TXNDC16: variants seen among roughly 807,000 people sequenced by gnomAD.
TXNDC16 encodes the protein thioredoxin domain-containing protein 16.
TXNDC16 carries 74 observed loss-of-function variants against 85.6 expected under a neutral mutation model. That is an observed-to-expected ratio of 0.86 (90% confidence interval 0.72 to 1.05). TXNDC16 has a LOEUF of 1.05. TXNDC16 is among the 50% of genes least tolerant of loss of function. TXNDC16 has a pLI of 0.00. For missense variants in TXNDC16, 959 were observed against 947.0 expected (o/e 1.01, Z -0.17); for synonymous variants, 335 against 326.5 (o/e 1.03, Z -0.28).
chr14:52,546,963 T>TA (rs1404332820), intron 1 of TXNDC16, among the ~76,000 whole-genome samples: 3 of 152,242 alleles, frequency 2.0e-5, no homozygotes, highest in African/African-American at 7.2e-5. Flanking sequence ...GATTAACTTA[T>TA]AATGAATGTG....
chr14:52,524,731 G>C (rs1356404229), intron 6 of TXNDC16, among the ~76,000 whole-genome samples: 1 of 152,074 alleles, frequency 6.6e-6, no homozygotes, highest in African/African-American at 2.4e-5. Flanking sequence ...CTGGCCTCAA[G>C]TGATCCTCTT....
Position 52,498,388 on chromosome 14 carries a change from G to T in TXNDC16, c.757-7383C>A, listed in dbSNP as rs946483225. On this transcript the variant is annotated intron_variant, in intron 9 of 20. Transcript: ENST00000281741. ...GTTCACAGGTAATAGGATCTTATATGTGCAAAACCCTAAAGATCACACACA... is the reference window on the plus strand; with the variant it reads ...GTTCACAGGTAATAGGATCTTATATTTGCAAAACCCTAAAGATCACACACA... 2.0e-5 allele frequency among the ~76,000 whole-genome samples: 3 copies of T among 148,480 alleles called. No homozygotes were observed. In the Admixed American group the frequency reaches 2.0e-4, roughly 10 times the overall value.
chr14:52,525,249 A>T (rs2037300302), intron 6 of TXNDC16, among the ~76,000 whole-genome samples: 7 of 152,106 alleles, frequency 4.6e-5, no homozygotes, highest in Admixed American at 3.9e-4. Flanking sequence ...TATATATATA[A>T]AATAAATAAC....
In TXNDC16 at chr14:52,536,807, A is replaced by C. The variant is rs2037712242; in HGVS notation, c.318-14T>G. 2 of 1,586,928 alleles carry C rather than the reference A, an allele frequency of 1.3e-6. No homozygotes were observed. The highest frequency in any genetic ancestry group is 2.3e-5 in the East Asian group (1 of 43,390). ...AATATGTTGCCCCTATAAAAAGTTT[A>C]AAAACATATTAATATTGAAAAATAC... On this transcript the variant is annotated splice_polypyrimidine_tract_variant and intron_variant, in intron 5 of 20. Coordinates refer to ENST00000281741, the MANE Select transcript of TXNDC16 (RefSeq NM_020784.3).
intron 11 of TXNDC16, among the ~76,000 whole-genome samples, chr14:52,489,060 G>A (rs565846992): frequency 9.4e-4 from 143 of 152,232 alleles, no homozygotes; most frequent in African/African-American, 2.9e-3. Context: ...ACTGAAGTCT[G>A]TAAAGCATTT....
rs371896649 is a variant in TXNDC16 at position 52,440,834 on chromosome 14, A to C, written c.1843-110T>G. On this transcript the variant is annotated intron_variant, in intron 18 of 20. Coordinates refer to ENST00000281741, the MANE Select transcript of TXNDC16 (RefSeq NM_020784.3). Reference sequence around the variant, plus strand: ...AATTTTAGTTTGTAAAATGTAATTCAAACACATTTTCACTTAAGTAGAGAT... The same window carrying C: ...AATTTTAGTTTGTAAAATGTAATTCCAACACATTTTCACTTAAGTAGAGAT... 42 of 1,017,660 alleles carry C rather than the reference A, an allele frequency of 4.1e-5. No individual in the cohort carries two copies. The African/African-American group carries it at 5.2e-4, about 13-fold the overall frequency. The allele number at this position is 1,017,660 out of a possible 1,614,324, so 63.0% of individuals were successfully genotyped here. A position where few individuals can be genotyped will look rare whatever the true frequency, so the allele number is the denominator to read the frequency against.
chr14:52,482,815 TACTC>T lies in TXNDC16; in HGVS notation c.1252+3_1252+6del. 4 of 1,590,910 alleles carry T rather than the reference TACTC, an allele frequency of 2.5e-6. No homozygotes were observed. Among genetic ancestry groups the T allele is most frequent in the Non-Finnish European group, 1.7e-6 (2 of 1,173,542 alleles). On this transcript the variant is annotated splice_donor_5th_base_variant and intron_variant, in intron 13 of 20. Coordinates refer to ENST00000281741, the MANE Select transcript of TXNDC16 (RefSeq NM_020784.3). ...TATGTAACAGTCCTCTAAAGGCTCA[TACTC>T]ACAACCAGCATAGAAGAGTACTATG...
chr14:52,535,725 A>G (rs2037684757), intron 6 of TXNDC16, among the ~76,000 whole-genome samples: 1 of 152,188 alleles, frequency 6.6e-6, no homozygotes, highest in African/African-American at 2.4e-5. Context: ...TCCAGGCCAG[A>G]AAACTTAAAC....
At chr14:52,439,757 A>G (rs1407842761) in intron 19 of TXNDC16, among the ~76,000 whole-genome samples, 3 of 152,246 alleles carry the variant, frequency 2.0e-5, no homozygotes, top group African/African-American at 7.2e-5. Flanking sequence ...ATGATTACAT[A>G]ACTAGAAGAT....
intron 18 of TXNDC16, among the ~76,000 whole-genome samples, chr14:52,444,110 G>A (rs763553376): frequency 1.3e-5 from 2 of 152,064 alleles, no homozygotes; most frequent in African/African-American, 4.8e-5. Context: ...AGGAGGAATG[G>A]TATAGACAAC....
intron 9 of TXNDC16, among the ~76,000 whole-genome samples, chr14:52,509,199 G>A (rs2036893294): frequency 6.6e-6 from 1 of 151,898 alleles, no homozygotes; most frequent in African/African-American, 2.4e-5. Flanking sequence ...AGAAACTTTA[G>A]GAAAGGGCAC....
At chr14:52,530,258 T>TATAATAATATATTATTATATA (rs552800699) in intron 6 of TXNDC16, among the ~76,000 whole-genome samples, 3 of 59,426 alleles carry the variant, frequency 5.0e-5, no homozygotes, top group African/African-American at 2.1e-4. Context: ...ATATATATTA[T>TATAATAATATATTATTATATA]ATAATATATA....
At chr14:52,548,811 G>C (rs1015978360) in intron 1 of TXNDC16, among the ~76,000 whole-genome samples, 30 of 151,350 alleles carry the variant, frequency 2.0e-4, no homozygotes, top group African/African-American at 6.8e-4. Flanking sequence ...TAACCCAAGA[G>C]GCAGAGGTTG....
intron 6 of TXNDC16, among the ~76,000 whole-genome samples, chr14:52,526,674 T>C (rs2037342393): frequency 2.0e-5 from 3 of 152,204 alleles, no homozygotes; most frequent in Non-Finnish European, 2.9e-5. Context: ...CCTGACATCC[T>C]TACAATCTCC....
chr14:52,502,581 T>C (rs1024842053), intron 9 of TXNDC16, among the ~76,000 whole-genome samples: 1 of 152,154 alleles, frequency 6.6e-6, no homozygotes, highest in East Asian at 1.9e-4. Context: ...TCAAAACTAA[T>C]ACTACAGGGG....
rs2035112088 is a variant in TXNDC16, at chr14:52,439,359, G to A, written c.2039C>T (p.Ala680Val). The A allele has an allele frequency of 1.2e-6, 2 of 1,613,816 alleles. No homozygotes were observed. Among genetic ancestry groups the A allele is most frequent in the East Asian group, 2.2e-5 (1 of 44,862 alleles). ...NTPVGRGILRAYFDPLPPLPL... is the reference protein window; with the variant it reads ...NTPVGRGILRVYFDPLPPLPL... ...AAGGGGAGGCAGAGGATCAAAATAT[G>A]CCCTCAAGATTCCTCTCCCCACTGG... Residue 680 changes from alanine (A) to valine (V), a missense_variant, in exon 20 of 21, where the codon GCA (alanine) becomes GTA (valine). Ala to Val is a moderately conservative substitution (Grantham distance 64). Transcript: ENST00000281741.
At chr14:52,470,746 C>A in intron 14 of TXNDC16, 66 bp from the exon 15 acceptor site, 2 of 1,434,158 alleles carry the variant, frequency 1.4e-6, no homozygotes, top group South Asian at 1.4e-5. Context: ...TTAGGATCTT[C>A]AGTATTTTTC....
intron 16 of TXNDC16, among the ~76,000 whole-genome samples, chr14:52,457,381 A>G (rs2035559264): frequency 6.6e-6 from 1 of 152,230 alleles, no homozygotes; most frequent in African/African-American, 2.4e-5. Flanking sequence ...GTCAATTGAT[A>G]TAATGCAACA....
At chr14:52,506,965 T>A (rs1370933409) in intron 9 of TXNDC16, among the ~76,000 whole-genome samples, 1 of 151,894 alleles carries the variant, frequency 6.6e-6, no homozygotes. Context: ...TCATACTGAA[T>A]GGGCAAAAAC....
Sources: allele counts gnomAD v4.1 joint callset (sites outside exome capture counted in the v4.1 genomes callset), GRCh38; gene constraint gnomAD v4.1.1; transcripts MANE v1.5; gene names NCBI Gene and HGNC (gene_info 2026-07-23, HGNC 2026-07-21).